ABCD2: variants seen among roughly 807,000 people sequenced by gnomAD.
ABCD2 encodes ATP binding cassette subfamily D member 2, also known as ATP-binding cassette sub-family D member 2.
Under a neutral mutation model 70.9 loss-of-function variants are expected in ABCD2, and 36 were observed. The ratio of observed to expected loss-of-function variants is 0.51; its 90% CI spans 0.39 to 0.67. The LOEUF (loss-of-function observed/expected upper bound fraction) is 0.67, where lower values mean the gene tolerates loss of function less well. Among genes scored for constraint, ABCD2 ranks in the 30% least tolerant of loss-of-function variants. ABCD2 has a pLI of 0.00. For missense variants in ABCD2, 729 were observed against 890.2 expected, an observed-to-expected ratio of 0.82 and a Z score of 2.30; for synonymous variants, 304 against 306.9, an observed-to-expected ratio of 0.99 and a Z score of 0.10.
chr12:39,606,971 A>G (rs1941976847), intron 3 of ABCD2, among the ~76,000 whole-genome samples: 1 of 152,186 alleles, frequency 6.6e-6, no homozygotes, highest in Admixed American at 6.5e-5. Flanking sequence ...TGCAGGCAAT[A>G]TACACAGCTA....
downstream of ABCD2, among the ~76,000 whole-genome samples, chr12:39,547,205 A>T (rs921232913): frequency 3.1e-4 from 47 of 152,232 alleles, no homozygotes; most frequent in African/African-American, 8.7e-4. Context: ...GCTGGTAAGG[A>T]TGTGGAGAAA....
chr12:39,575,228 C>T (rs1941500110), intron 8 of ABCD2, among the ~76,000 whole-genome samples: 1 of 151,984 alleles, frequency 6.6e-6, no homozygotes, highest in African/African-American at 2.4e-5. Flanking sequence ...GTGCCTTGAT[C>T]GAAACAGAGA....
chr12:39,565,533 A>G (rs971750721), intron 9 of ABCD2, among the ~76,000 whole-genome samples: 3 of 152,204 alleles, frequency 2.0e-5, no homozygotes, highest in Admixed American at 6.5e-5. Context: ...TTTTGGGCTG[A>G]GACAATGGGG....
intron 9 of ABCD2, among the ~76,000 whole-genome samples, chr12:39,567,021 T>G (rs1032009065): frequency 4.6e-5 from 7 of 152,210 alleles, no homozygotes; most frequent in African/African-American, 1.7e-4. Context: ...TCTGTTCTTT[T>G]ACGTTTGATG....
chr12:39,562,676 T>A (rs886961732), intron 9 of ABCD2, among the ~76,000 whole-genome samples: 4 of 151,920 alleles, frequency 2.6e-5, no homozygotes, highest in Non-Finnish European at 4.4e-5. Context: ...AATAAGGAAA[T>A]GGAATCACAT....
rs1210879548 is a variant in ABCD2, at chr12:39,550,753, A to G, written c.*3159T>C. The G allele has an allele frequency of 6.6e-6, 1 of 151,780 alleles. No homozygotes were observed. Among genetic ancestry groups the G allele is most frequent in the Non-Finnish European group, 1.5e-5 (1 of 67,704 alleles). 9.4% of individuals were successfully genotyped at this position (151,780 alleles called of 1,614,324 possible). Reference sequence around the variant, plus strand: ...ACAATTTTGCCCATAAAGTAATTATATCAAAGTCATCTTTTTAAATCAATG... The same window carrying G: ...ACAATTTTGCCCATAAAGTAATTATGTCAAAGTCATCTTTTTAAATCAATG... On this transcript the variant is annotated 3_prime_UTR_variant, in exon 10 of 10. Transcript: ENST00000308666.
intron 6 of ABCD2, among the ~76,000 whole-genome samples, chr12:39,598,000 C>T (rs1941842206): frequency 6.6e-6 from 1 of 152,064 alleles, no homozygotes; most frequent in South Asian, 2.1e-4. Context: ...ATTCAGCTTT[C>T]CAAGCTTATG....
chr12:39,619,565 C>T lies in ABCD2; in HGVS notation c.51G>A (p.Ser17=), dbSNP rs753025236. 3 of 1,610,934 alleles carry T rather than the reference C, an allele frequency of 1.9e-6. No homozygotes were observed. The highest frequency in any genetic ancestry group is 2.2e-5 in the East Asian group (1 of 44,876). ...GGCAGGCAGCCCTCTTAGCAGCACTCGATCTGGTCCATTTCACTCGATCAG... is the reference window on the plus strand; with the variant it reads ...GGCAGGCAGCCCTCTTAGCAGCACTTGATCTGGTCCATTTCACTCGATCAG... The part of the protein sequence containing the change: ...AAADRVKWTR[S]SAAKRAACLV... Residue 17 remains serine (S), a synonymous_variant, in exon 1 of 10, where the codon TCG becomes TCA. Coordinates refer to ENST00000308666, the MANE Select transcript of ABCD2 (RefSeq NM_005164.4).
rs1475787671 is a variant in ABCD2 at position 39,552,172 on chromosome 12, G to A, written c.*1740C>T. 1 of 151,880 alleles carries A rather than the reference G, an allele frequency of 6.6e-6. No homozygotes were observed. The highest frequency in any genetic ancestry group is 2.4e-5 in the African/African-American group (1 of 41,412). The allele number at this position is 151,880 out of a possible 1,614,324, so 9.4% of individuals were successfully genotyped here. Reference sequence around the variant, plus strand: ...AATGTACTGATTATAATTTTATATTGCATTCCTTCATGTAAGTTGGTTACA... The same window carrying A: ...AATGTACTGATTATAATTTTATATTACATTCCTTCATGTAAGTTGGTTACA... On this transcript the variant is annotated 3_prime_UTR_variant, in exon 10 of 10. Coordinates refer to ENST00000308666, the MANE Select transcript of ABCD2 (RefSeq NM_005164.4).
intron 6 of ABCD2, among the ~76,000 whole-genome samples, chr12:39,594,819 CA>C (rs1482901937): frequency 1.3e-5 from 2 of 151,762 alleles, no homozygotes; most frequent in Non-Finnish European, 2.9e-5. Context: ...ACTAAAAATA[CA>C]AAAATTCTCT....
chr12:39,579,187 C>A (rs528168264), intron 8 of ABCD2, among the ~76,000 whole-genome samples: 2 of 152,200 alleles, frequency 1.3e-5, no homozygotes, highest in East Asian at 1.9e-4. Context: ...CATGGTGAAA[C>A]CCCGTCTCTA....
intron 1 of ABCD2, 147 bp downstream of exon 1, chr12:39,618,530 C>T (rs1566595070): frequency 2.9e-6 from 2 of 687,176 alleles, no homozygotes; most frequent in Non-Finnish European, 4.8e-6. Flanking sequence ...GGTAATGAAG[C>T]ATATATTTTA....
At chr12:39,604,348 A>C (rs1416998363) in intron 4 of ABCD2, among the ~76,000 whole-genome samples, 1 of 152,066 alleles carries the variant, frequency 6.6e-6, no homozygotes, top group Non-Finnish European at 1.5e-5. Flanking sequence ...CCTATAGAAA[A>C]AAAACCACAG....
chr12:39,534,883 G>GGAAGGAAA, the ABCD2 span, among the ~76,000 whole-genome samples: 1 of 122,858 alleles, frequency 8.1e-6, no homozygotes, highest in African/African-American at 2.9e-5. Flanking sequence ...AAGGAAGGAA[G>GGAAGGAAA]GAAAGAAAGA....
intron 9 of ABCD2, among the ~76,000 whole-genome samples, chr12:39,571,322 T>G (rs897497981): frequency 9.2e-5 from 14 of 152,164 alleles, no homozygotes; most frequent in Non-Finnish European, 2.1e-4. Flanking sequence ...TCAACCCTAG[T>G]GTCCATCAAT....
At chr12:39,604,975 A>G (rs375596446) in intron 3 of ABCD2, 45 bp from the exon 4 acceptor site, 2 of 1,418,818 alleles carry the variant, frequency 1.4e-6, no homozygotes, top group Non-Finnish European at 1.9e-6. Context: ...TATATCCAAG[A>G]CAATATTTTA....
At chr12:39,568,961 T>C (rs185671614) in intron 9 of ABCD2, among the ~76,000 whole-genome samples, 85 of 152,254 alleles carry the variant, frequency 5.6e-4, no homozygotes, top group African/African-American at 1.9e-3. Flanking sequence ...GAACAGCCAA[T>C]GTTGCTGCCT....
At chr12:39,543,696 G>C in the ABCD2 span, among the ~76,000 whole-genome samples, 1 of 152,216 alleles carries the variant, frequency 6.6e-6, no homozygotes, top group African/African-American at 2.4e-5. Flanking sequence ...CTGACGTTTG[G>C]AACCTTAGCC....
the ABCD2 span, among the ~76,000 whole-genome samples, chr12:39,532,381 A>G: frequency 2.0e-5 from 3 of 152,234 alleles, no homozygotes; most frequent in African/African-American, 7.2e-5. Flanking sequence ...AACATCTCCA[A>G]TAATCACACA....
Sources: allele counts gnomAD v4.1 joint callset (sites outside exome capture counted in the v4.1 genomes callset), GRCh38; gene constraint gnomAD v4.1.1; transcripts MANE v1.5; gene names NCBI Gene and HGNC (gene_info 2026-07-23, HGNC 2026-07-21).